CREB5: variants seen among roughly 807,000 people sequenced by gnomAD.
CREB5 encodes cAMP responsive element binding protein 5.
A neutral mutation model predicts 57.1 loss-of-function variants in CREB5; 19 were observed. That is an observed-to-expected ratio of 0.33 (90% CI 0.23 to 0.49). The LOEUF (loss-of-function observed/expected upper bound fraction) is 0.49, where lower values mean the gene tolerates loss of function less well. Ranked by LOEUF, CREB5 falls within the 20% of genes least tolerant of loss-of-function variation. The probability of loss-of-function intolerance (pLI) is 0.99; values close to 1 mark genes in which losing one functional copy is unlikely to be tolerated. For missense variants in CREB5, 579 were observed against 671.6 expected (o/e 0.86, Z 1.52); for synonymous variants, 238 against 238.3 (o/e 1.00, Z 0.01).
chr7:28,454,416 A>G (rs1038032739), intron 1 of CREB5, among the ~76,000 whole-genome samples: 1 of 152,112 alleles, frequency 6.6e-6, no homozygotes, highest in African/African-American at 2.4e-5. Context: ...GGCACCTGTG[A>G]GGATAGTGAG....
At chr7:28,474,723 T>C (rs1234277841) in intron 1 of CREB5, among the ~76,000 whole-genome samples, 1 of 152,180 alleles carries the variant, frequency 6.6e-6, no homozygotes, top group African/African-American at 2.4e-5. Flanking sequence ...AATCCTTTGA[T>C]GTCAGTATTG....
At chr7:28,551,864 C>CTT (rs1794661597) in intron 4 of CREB5, among the ~76,000 whole-genome samples, 4 of 143,962 alleles carry the variant, frequency 2.8e-5, no homozygotes, top group East Asian at 2.5e-4. Flanking sequence ...TCTTTTCTTT[C>CTT]TTTCTTTTTC....
chr7:28,784,678 G>C (rs11514759), intron 7 of CREB5, among the ~76,000 whole-genome samples: 7,273 of 152,026 alleles, frequency 0.048, 230 homozygotes, highest in Middle Eastern at 0.075. Context: ...GGCAGGAAAG[G>C]TTCGGATATG....
intron 1 of CREB5, among the ~76,000 whole-genome samples, chr7:28,335,381 T>G (rs1785804718): frequency 6.6e-6 from 1 of 152,110 alleles, no homozygotes; most frequent in Non-Finnish European, 1.5e-5. Flanking sequence ...TTATCAATCT[T>G]TTATAGTTTT....
intron 1 of CREB5, among the ~76,000 whole-genome samples, chr7:28,413,786 C>CAG (rs1429139124): frequency 6.6e-6 from 1 of 152,110 alleles, no homozygotes; most frequent in African/African-American, 2.4e-5. Flanking sequence ...TAGTTTGTCA[C>CAG]AGAGACTTTT....
intron 7 of CREB5, among the ~76,000 whole-genome samples, chr7:28,744,342 T>A (rs1028628527): frequency 5.3e-5 from 3 of 56,276 alleles, no homozygotes; most frequent in Non-Finnish European, 8.3e-5. Flanking sequence ...TAGTACCTCT[T>A]TTTTTTTTTT....
At chr7:28,620,100 G>A (rs1196700149) in intron 5 of CREB5, among the ~76,000 whole-genome samples, 1 of 151,984 alleles carries the variant, frequency 6.6e-6, no homozygotes, top group East Asian at 1.9e-4. Flanking sequence ...TTTTTAAAAC[G>A]GTACAATTTT....
At chr7:28,731,690 G>C (rs950478308) in intron 7 of CREB5, among the ~76,000 whole-genome samples, 1 of 152,230 alleles carries the variant, frequency 6.6e-6, no homozygotes, top group Non-Finnish European at 1.5e-5. Context: ...GCTGGTTGCT[G>C]TGAGAGTGAC....
At chr7:28,688,179 C>CA (rs1801048402) in intron 5 of CREB5, among the ~76,000 whole-genome samples, 5 of 151,846 alleles carry the variant, frequency 3.3e-5, no homozygotes, top group African/African-American at 9.7e-5. Flanking sequence ...TGCTTTTTGG[C>CA]AAAAAAACAA....
intron 5 of CREB5, among the ~76,000 whole-genome samples, chr7:28,597,207 A>T (rs1654926863): frequency 6.6e-6 from 1 of 152,208 alleles, no homozygotes; most frequent in African/African-American, 2.4e-5. Flanking sequence ...CAAGAGTTGG[A>T]TAAAAATGTG....
At chr7:28,761,644 A>G (rs1805660702) in intron 7 of CREB5, among the ~76,000 whole-genome samples, 1 of 152,068 alleles carries the variant, frequency 6.6e-6, no homozygotes, top group Non-Finnish European at 1.5e-5. Flanking sequence ...TGGCTGGAGC[A>G]AGTCATATAG....
intron 1 of CREB5, among the ~76,000 whole-genome samples, chr7:28,307,007 T>C (rs1377573793): frequency 2.6e-5 from 4 of 152,218 alleles, no homozygotes; most frequent in Admixed American, 6.5e-5. Flanking sequence ...TTTTTACCTG[T>C]TCAGATAAGA....
chr7:28,696,341 C>A (rs1801559078), intron 5 of CREB5, among the ~76,000 whole-genome samples: 1 of 152,212 alleles, frequency 6.6e-6, no homozygotes, highest in Admixed American at 6.5e-5. Flanking sequence ...ATCCTTCCTG[C>A]CATTTGTAAA....
At chr7:28,587,154 G>A (rs1796333914) in intron 5 of CREB5, among the ~76,000 whole-genome samples, 2 of 152,182 alleles carry the variant, frequency 1.3e-5, no homozygotes, top group South Asian at 2.1e-4. Flanking sequence ...GATTTGAGGA[G>A]ACTCAGAGAA....
intron 9 of CREB5, among the ~76,000 whole-genome samples, chr7:28,811,118 A>G (rs181809007): frequency 1.1e-4 from 16 of 152,252 alleles, no homozygotes; most frequent in African/African-American, 9.6e-5. Context: ...TTTATAGTGT[A>G]GTGTCTACAC....
intron 7 of CREB5, among the ~76,000 whole-genome samples, chr7:28,776,113 G>A (rs973246577): frequency 1.6e-4 from 25 of 152,030 alleles, no homozygotes; most frequent in East Asian, 1.4e-3. Context: ...CGAGGCGGGC[G>A]GATCATGAGG....
chr7:28,603,966 G>A (rs893584424), intron 5 of CREB5, among the ~76,000 whole-genome samples: 1 of 152,150 alleles, frequency 6.6e-6, no homozygotes, highest in Non-Finnish European at 1.5e-5. Flanking sequence ...AATACATGTA[G>A]CATATAGTAT....
intron 9 of CREB5, among the ~76,000 whole-genome samples, chr7:28,816,054 C>T (rs1381249033): frequency 5.5e-5 from 7 of 127,276 alleles, no homozygotes; most frequent in East Asian, 3.9e-4. Context: ...CAAATATATA[C>T]GCACACACAC....
intron 5 of CREB5, among the ~76,000 whole-genome samples, chr7:28,675,480 CT>C (rs1001171696): frequency 8.5e-5 from 13 of 152,056 alleles, no homozygotes; most frequent in Admixed American, 8.5e-4. Context: ...CAGCTAAAGT[CT>C]TTTGTGAGAT....
Sources: allele counts gnomAD v4.1 joint callset (sites outside exome capture counted in the v4.1 genomes callset), GRCh38; gene constraint gnomAD v4.1.1; transcripts MANE v1.5; gene names NCBI Gene and HGNC (gene_info 2026-07-23, HGNC 2026-07-21).